AMZ1: variants seen among roughly 807,000 people sequenced by gnomAD.
The protein encoded by AMZ1 is archaelysin family metallopeptidase 1.
Under a neutral mutation model 29.9 loss-of-function variants are expected in AMZ1, and 39 were observed. That is an observed-to-expected ratio of 1.30 (90% CI 1.01 to 1.70). The LOEUF is 1.70. AMZ1 is among the 40% of genes most tolerant of loss of function. The pLI is 0.00. For missense variants in AMZ1, 1,041 were observed against 680.6 expected, an observed-to-expected ratio of 1.53 and a Z score of -5.89; for synonymous variants, 458 against 304.0, an observed-to-expected ratio of 1.51 and a Z score of -5.27.
At chr7:2,745,989 A>G (rs185669715) in intron 4 of AMZ1, among the ~76,000 whole-genome samples, 9 of 152,350 alleles carry the variant, frequency 5.9e-5, no homozygotes, top group Non-Finnish European at 1.2e-4. Context: ...ATATATATGC[A>G]AACAATACAG....
At chr7:2,704,122 C>T (rs988819056) in intron 3 of AMZ1, among the ~76,000 whole-genome samples, 4 of 152,194 alleles carry the variant, frequency 2.6e-5, no homozygotes, top group Non-Finnish European at 4.4e-5. Context: ...ATCTCCTGAC[C>T]GCATGATCTG....
chr7:2,762,772 C>A, upstream of AMZ1: 2 of 1,546,950 alleles, frequency 1.3e-6, no homozygotes, highest in Non-Finnish European at 1.7e-6. Flanking sequence ...TCCTTTCCAC[C>A]CAGGCTGTAC....
chr7:2,757,416 C>T (rs889882525), intron 4 of AMZ1, among the ~76,000 whole-genome samples: 4 of 152,092 alleles, frequency 2.6e-5, no homozygotes, highest in South Asian at 2.1e-4. Flanking sequence ...GGAGGAGCCA[C>T]GTGGCAAGGA....
upstream of AMZ1, among the ~76,000 whole-genome samples, chr7:2,685,364 C>A (rs939023128): frequency 1.3e-5 from 2 of 151,324 alleles, no homozygotes; most frequent in African/African-American, 4.9e-5. Flanking sequence ...TCGAGACCAG[C>A]CTGGCCAACA....
chr7:2,707,609 C>A (rs940381118), intron 3 of AMZ1, among the ~76,000 whole-genome samples: 8 of 152,078 alleles, frequency 5.3e-5, no homozygotes, highest in Admixed American at 1.3e-4. Context: ...CCACTGTGAT[C>A]TCACAGTGCT....
At chr7:2,692,413 G>A (rs1345376377) in intron 1 of AMZ1, among the ~76,000 whole-genome samples, 3 of 152,212 alleles carry the variant, frequency 2.0e-5, no homozygotes, top group African/African-American at 4.8e-5. Context: ...GTGGTGGCGG[G>A]CGCCTTTAGT....
rs1789134963 is a variant in AMZ1 at position 2,716,578 on chromosome 7, A to C, written c.*3700A>C. On this transcript the variant is annotated 3_prime_UTR_variant, in exon 7 of 7. Coordinates refer to ENST00000683327, the MANE Select transcript of AMZ1 (RefSeq NM_001384743.1). ...CCAAATTTAGATCCCACCAAGTTCA[A>C]AGGGGGAGGCTAGAACATTCCAGGG... The C allele has an allele frequency of 6.6e-6, 1 of 152,204 alleles. No individual in the cohort carries two copies. Among genetic ancestry groups the C allele is most frequent in the African/African-American group, 2.4e-5 (1 of 41,452 alleles). 9.4% of individuals were successfully genotyped at this position (152,204 alleles called of 1,614,324 possible).
Position 2,702,756 on chromosome 7 carries a change from G to A in AMZ1, c.339G>A (p.Leu113=), listed in dbSNP as rs2115115870. 1 of 1,541,280 alleles carries A rather than the reference G, an allele frequency of 6.5e-7. No individual in the cohort carries two copies. The highest frequency in any genetic ancestry group is 2.0e-5 in the Admixed American group (1 of 51,104). ...LSEEPVGSSL[L]HQLCSCTEAF... ...AGGAGCCGGTGGGAAGCTCCCTGCTGCACCAGCTGTGCAGCTGCACAGAGG... is the reference window on the plus strand; with the variant it reads ...AGGAGCCGGTGGGAAGCTCCCTGCTACACCAGCTGTGCAGCTGCACAGAGG... The change falls in exon 3 of 7, where the codon CTG becomes CTA. Residue 113 remains leucine (L), a synonymous_variant. Coordinates refer to ENST00000683327, the MANE Select transcript of AMZ1 (RefSeq NM_001384743.1).
Position 2,719,038 on chromosome 7 carries a change from A to G in AMZ1, c.*6160A>G. Among the ~76,000 whole-genome samples the G allele has an allele frequency of 6.8e-6, 1 of 147,180 alleles. No homozygotes were observed. The highest frequency in any genetic ancestry group is 2.5e-5 in the African/African-American group (1 of 39,662). ...TTTTTTTTTTTTCCCCCCCATCTGA[A>G]GTGAGATCAAACTTCTACCACATTC... On this transcript the variant is annotated 3_prime_UTR_variant, in exon 7 of 7. Transcript: ENST00000683327.
chr7:2,728,377 TTTTTC>T (rs1168760348), intron 4 of AMZ1: 2 of 152,214 alleles, frequency 1.3e-5, no homozygotes, highest in African/African-American at 4.8e-5. Context: ...ATCTGACTTA[TTTTTC>T]TTTTATCAAA....
chr7:2,748,361 C>A (rs904026184), intron 4 of AMZ1, among the ~76,000 whole-genome samples: 3 of 152,192 alleles, frequency 2.0e-5, no homozygotes, highest in Non-Finnish European at 2.9e-5. Context: ...TGCTGCATAT[C>A]TACAACTATC....
chr7:2,748,149 G>A (rs1376861285), intron 4 of AMZ1, among the ~76,000 whole-genome samples: 2 of 150,390 alleles, frequency 1.3e-5, no homozygotes, highest in Admixed American at 1.3e-4. Context: ...CACAGAATTG[G>A]AAAAAACTAC....
chr7:2,697,460 C>T (rs750308786), intron 1 of AMZ1, among the ~76,000 whole-genome samples: 38 of 151,856 alleles, frequency 2.5e-4, no homozygotes, highest in Admixed American at 5.9e-4. Flanking sequence ...GTCTCACTCC[C>T]TCCTCCAGGC....
chr7:2,705,604 TG>T (rs1788307128), intron 3 of AMZ1, among the ~76,000 whole-genome samples: 1 of 152,194 alleles, frequency 6.6e-6, no homozygotes, highest in Non-Finnish European at 1.5e-5. Context: ...GGCCATCTTT[TG>T]GCGGGAGGGT....
At position 2,731,589 on chromosome 7, in the gene AMZ1, C is replaced by T. The variant is rs1215896330; in HGVS notation, n.550+21773C>T. 12 of 1,613,654 alleles carry T rather than the reference C, an allele frequency of 7.4e-6. No individual in the cohort carries two copies. The East Asian group carries it at 1.1e-4, about 15-fold the overall frequency. ...TGGAGGAGACCATGAACAGGATGGA[C>T]GTGATCCCGTCGAAGCACTGGAACC... On this transcript the variant is annotated intron_variant and non_coding_transcript_variant, in intron 4 of 4. Transcript: ENST00000489665. This position sits in a 1 kb window ranked among gnomAD's most constrained non-coding sequence, Gnocchi z 6.0.
chr7:2,759,947 G>A (rs1185394904), upstream of AMZ1, among the ~76,000 whole-genome samples: 1 of 152,214 alleles, frequency 6.6e-6, no homozygotes, highest in African/African-American at 2.4e-5. Flanking sequence ...CAAGCAGGCT[G>A]TGTAGGCTGG....
At chr7:2,732,172 A>T (rs374138860) in intron 4 of AMZ1, among the ~76,000 whole-genome samples, 3 of 152,342 alleles carry the variant, frequency 2.0e-5, no homozygotes, top group East Asian at 3.9e-4. Flanking sequence ...TCTGCAATAC[A>T]TTTAATGTTA....
At chr7:2,741,418 G>A (rs1016412918) in intron 4 of AMZ1, among the ~76,000 whole-genome samples, 6 of 152,158 alleles carry the variant, frequency 3.9e-5, no homozygotes, top group Non-Finnish European at 8.8e-5. Flanking sequence ...CCAGTTTCCA[G>A]AGGCTTCCAC....
chr7:2,704,077 G>T (rs890048344), intron 3 of AMZ1, among the ~76,000 whole-genome samples: 11 of 152,312 alleles, frequency 7.2e-5, no homozygotes, highest in African/African-American at 2.6e-4. Context: ...TTTTAGTAGA[G>T]ACGGGATTTC....
Sources: gnomAD v4.1 joint callset for allele counts (sites outside exome capture counted in the v4.1 genomes callset) on GRCh38, gnomAD v4.1.1 for gene constraint, Gnocchi (gnomAD v3.1) non-coding constraint, MANE v1.5 for transcripts, NCBI Gene and HGNC (gene_info 2026-07-23, HGNC 2026-07-21) for gene names.